SPEN: variants seen among roughly 807,000 people sequenced by gnomAD.
The protein encoded by SPEN is msx2-interacting protein.
Under a neutral mutation model 269.9 loss-of-function variants are expected in SPEN, and 18 were observed. The ratio of observed to expected loss-of-function variants is 0.07; its 90% CI spans 0.05 to 0.10. SPEN has a LOEUF of 0.10. Among genes scored for constraint, SPEN ranks in the 10% least tolerant of loss-of-function variants. The pLI, the probability that SPEN is intolerant of heterozygous loss-of-function variation, is 1.00. For synonymous variants in SPEN, 1,726 were observed against 1,765.7 expected, an observed-to-expected ratio of 0.98 and a Z score of 0.56; for missense variants, 3,822 against 4,631.2, an observed-to-expected ratio of 0.83 and a Z score of 5.07.
At position 15,939,010 on chromosome 1, in the gene SPEN, G is replaced by A; in HGVS notation, c.10863+134G>A. 1 of 1,211,848 alleles carries A rather than the reference G, an allele frequency of 8.3e-7. No homozygotes were observed. Among genetic ancestry groups the A allele is most frequent in the Non-Finnish European group, 1.1e-6 (1 of 870,058 alleles). The allele number at this position is 1,211,848 out of a possible 1,614,324, so 75.1% of individuals were successfully genotyped here. On this transcript the variant is annotated intron_variant, in intron 14 of 14. Coordinates refer to ENST00000375759, the MANE Select transcript of SPEN (RefSeq NM_015001.3). The surrounding 1 kb of genome is among the most constrained non-coding windows in gnomAD (Gnocchi z 4.1). The stretch of plus-strand genomic sequence containing the variant: ...AAAGGGGCATTTTGGACAGAAGTCA[G>A]TAGAGCACATGGGGCGGGGCGCCAT...
chr1:15,935,365 C>T lies in SPEN; in HGVS notation c.9125C>T (p.Pro3042Leu). 1 of 1,614,116 alleles carries T rather than the reference C, an allele frequency of 6.2e-7. No homozygotes were observed. Among genetic ancestry groups the T allele is most frequent in the Non-Finnish European group, 8.5e-7 (1 of 1,179,990 alleles). Residue 3042 changes from proline to leucine, a missense_variant, in exon 11 of 15, where the codon CCC becomes CTC. This residue lies in a region of SPEN where 153 missense variants were observed against 228.5 expected (regional missense o/e 0.67). Coordinates refer to ENST00000375759, the MANE Select transcript of SPEN (RefSeq NM_015001.3). This position sits in a 1 kb window ranked among gnomAD's most constrained non-coding sequence, Gnocchi z 7.7. ...TCCTCATTCCCAAGGGCAAGCCACC[C>T]CAGCAGTACTGCATCTACGGCGCTC... ...GPSSFPRASH[P>L]SSTASTALST...
intron 5 of SPEN, among the ~76,000 whole-genome samples, chr1:15,914,189 A>T (rs920488758): frequency 6.6e-6 from 1 of 152,168 alleles, no homozygotes. Context: ...GAAAGGGGTA[A>T]CATTAGTTGA....
In SPEN at chr1:15,935,571, A is replaced by G; in HGVS notation, c.9331A>G (p.Ser3111Gly). 3.7e-6 allele frequency: 6 copies of G among 1,614,076 alleles called. No individual in the cohort carries two copies. The highest frequency in any genetic ancestry group is 5.1e-6 in the Non-Finnish European group (6 of 1,179,986). Residue 3111 changes from serine to glycine, a missense_variant, in exon 11 of 15, where the codon AGC (serine) becomes GGC (glycine). Physicochemically the swap from Ser to Gly is moderately conservative, Grantham distance 56. Transcript: ENST00000375759. The surrounding 1 kb of genome is among the most constrained non-coding windows in gnomAD (Gnocchi z 7.7). ...NTPTLPSITY[S>G]IRPEALHSPR... is the part of the protein sequence containing the mutation. The stretch of plus-strand genomic sequence containing the variant: ...TCCCACGCTGCCCAGTATCACCTAC[A>G]GCATCCGGCCAGAAGCGCTTCACTC...
At chr1:15,870,667 C>T (rs1477216125) in intron 1 of SPEN, among the ~76,000 whole-genome samples, 1 of 152,128 alleles carries the variant, frequency 6.6e-6, no homozygotes, top group Non-Finnish European at 1.5e-5. Context: ...CTTATTAGGT[C>T]AGTTGCAAAA....
intron 1 of SPEN, among the ~76,000 whole-genome samples, chr1:15,867,915 C>T (rs764779598): frequency 1.4e-4 from 22 of 152,222 alleles, no homozygotes; most frequent in Non-Finnish European, 2.4e-4. Context: ...CCCACCGCAA[C>T]TTCCGCCTCC....
chr1:15,882,165 T>C (rs1313690849), intron 3 of SPEN, among the ~76,000 whole-genome samples: 5 of 152,178 alleles, frequency 3.3e-5, no homozygotes, highest in Non-Finnish European at 1.5e-5. Context: ...CCTTCATGGC[T>C]CCATGTGCTG....
At position 15,933,151 on chromosome 1, in the gene SPEN, A is replaced by G; in HGVS notation, c.6911A>G (p.Asn2304Ser). 1 of 1,614,104 alleles carries G rather than the reference A, an allele frequency of 6.2e-7. No individual in the cohort carries two copies. Among genetic ancestry groups the G allele is most frequent in the Non-Finnish European group, 8.5e-7 (1 of 1,180,036 alleles). Residue 2304 changes from asparagine (N) to serine (S), a missense_variant, in exon 11 of 15, where the codon AAT becomes AGT. By Grantham distance (46) the Asn-to-Ser change is conservative. Coordinates refer to ENST00000375759, the MANE Select transcript of SPEN (RefSeq NM_015001.3). The surrounding 1 kb of genome is among the most constrained non-coding windows in gnomAD (Gnocchi z 5.7). Reference protein sequence around the residue: ...GPTDTKEARGNSSETSHSVPE... With the variant: ...GPTDTKEARGSSSETSHSVPE... ...ACAGATACCAAGGAAGCCAGAGGAAATAGCAGTGAAACCTCACACTCAGTG... is the reference window on the plus strand; with the variant it reads ...ACAGATACCAAGGAAGCCAGAGGAAGTAGCAGTGAAACCTCACACTCAGTG...
rs964649711 is a variant in SPEN, at chr1:15,926,199, C to T, written c.1851-1892C>T. 7.2e-5 allele frequency among the ~76,000 whole-genome samples: 11 copies of T among 152,130 alleles called. No homozygotes were observed. In the East Asian group the frequency reaches 7.7e-4, roughly 11 times the overall value. Reference sequence around the variant, plus strand: ...TCACCAGAGGTCAGGAGTTTGAGTTCGGCCTGGCCAACACAGTGAAACCTG... The same window carrying T: ...TCACCAGAGGTCAGGAGTTTGAGTTTGGCCTGGCCAACACAGTGAAACCTG... On this transcript the variant is annotated intron_variant, in intron 10 of 14. Transcript: ENST00000375759.
At position 15,878,142 on chromosome 1, in the gene SPEN, T is replaced by TA. The variant is rs541935138; in HGVS notation, c.881+1472dup. On this transcript the variant is annotated intron_variant, in intron 3 of 14. Transcript: ENST00000375759. ...GCTTACTTTGATACCTAGTATATGTTAAAAAAAATGCTGCTATTCAATTTG... is the reference window on the plus strand; with the variant it reads ...GCTTACTTTGATACCTAGTATATGTTAAAAAAAAATGCTGCTATTCAATTTG... Among the ~76,000 whole-genome samples, 419 of 152,052 alleles carry TA rather than the reference T, an allele frequency of 2.8e-3. 1 individual carries two copies. Among genetic ancestry groups the TA allele is most frequent in the Non-Finnish European group, 4.3e-3 (294 of 67,970 alleles).
At chr1:15,857,038 A>G (rs1212018035) in intron 1 of SPEN, among the ~76,000 whole-genome samples, 1 of 151,932 alleles carries the variant, frequency 6.6e-6, no homozygotes, top group Non-Finnish European at 1.5e-5. Flanking sequence ...ACCATCAGTT[A>G]TGGCCTATCT....
chr1:15,926,879 A>T (rs747782087), intron 10 of SPEN, among the ~76,000 whole-genome samples: 1 of 152,062 alleles, frequency 6.6e-6, no homozygotes, highest in Non-Finnish European at 1.5e-5. Flanking sequence ...TTTTTAGTAG[A>T]GATGGGGTTT....
At position 15,935,456 on chromosome 1, in the gene SPEN, C is replaced by A. The variant is rs1376131495; in HGVS notation, c.9216C>A (p.His3072Gln). 3 of 1,614,038 alleles carry A rather than the reference C, an allele frequency of 1.9e-6. No individual in the cohort carries two copies. Among genetic ancestry groups the A allele is most frequent in the Non-Finnish European group, 1.7e-6 (2 of 1,180,022 alleles). Residue 3072 changes from histidine (H) to glutamine (Q), a missense_variant, in exon 11 of 15, where the codon CAC becomes CAA. Coordinates refer to ENST00000375759, the MANE Select transcript of SPEN (RefSeq NM_015001.3). The surrounding 1 kb of genome is among the most constrained non-coding windows in gnomAD (Gnocchi z 7.7). ...IPVPQFISSI[H>Q]PEQSVIMPPH... ...TGCCCCAGTTCATCTCCAGCATCCA[C>A]CCAGAGCAGTCTGTCATCATGCCAC...
At position 15,933,141 on chromosome 1, in the gene SPEN, G is replaced by A. The variant is rs367793701; in HGVS notation, c.6901G>A (p.Ala2301Thr). 6 of 1,614,028 alleles carry A rather than the reference G, an allele frequency of 3.7e-6. No homozygotes were observed. The African/African-American group carries it at 5.3e-5, about 14-fold the overall frequency. ...PSAGPTDTKE[A>T]RGNSSETSHS... ...AGCCGGCCCAACAGATACCAAGGAA[G>A]CCAGAGGAAATAGCAGTGAAACCTC... Residue 2301 changes from alanine (A) to threonine (T), a missense_variant, in exon 11 of 15, where the codon GCC becomes ACC. Physicochemically the swap from Ala to Thr is moderately conservative, Grantham distance 58 (BLOSUM62 0). Around this residue, in one of 16 missense-constraint regions of SPEN, gnomAD observed 727 missense variants for 737.9 expected, o/e 0.99. Coordinates refer to ENST00000375759, the MANE Select transcript of SPEN (RefSeq NM_015001.3). This position sits in a 1 kb window ranked among gnomAD's most constrained non-coding sequence, Gnocchi z 5.7.
In SPEN at chr1:15,895,859, T is replaced by C. The variant is rs557895912; in HGVS notation, c.882-13462T>C. Among the ~76,000 whole-genome samples the C allele has an allele frequency of 1.5e-4, 23 of 151,934 alleles. 1 individual carries two copies. The South Asian group carries it at 3.3e-3, about 22-fold the overall frequency. ...TGTGCCCAGCTAATTTTTTTTTATATTTTTATTAGAGTTGGGGTTTCTCCA... is the reference window on the plus strand; with the variant it reads ...TGTGCCCAGCTAATTTTTTTTTATACTTTTATTAGAGTTGGGGTTTCTCCA... On this transcript the variant is annotated intron_variant, in intron 3 of 14. Coordinates refer to ENST00000375759, the MANE Select transcript of SPEN (RefSeq NM_015001.3).
Position 15,903,671 on chromosome 1 carries a change from A to G in SPEN, c.882-5650A>G, listed in dbSNP as rs575044234. ...GCCTGGCCTCAAATTGTTGTTGTTTATGAAAAGACTGGGGTCTTGCCATGT... is the reference window on the plus strand; with the variant it reads ...GCCTGGCCTCAAATTGTTGTTGTTTGTGAAAAGACTGGGGTCTTGCCATGT... On this transcript the variant is annotated intron_variant, in intron 3 of 14. Coordinates refer to ENST00000375759, the MANE Select transcript of SPEN (RefSeq NM_015001.3). Among the ~76,000 whole-genome samples, 6 of 152,226 alleles carry G rather than the reference A, an allele frequency of 3.9e-5. No homozygotes were observed. The South Asian group carries it at 1.2e-3, about 32-fold the overall frequency.
At chr1:15,889,368 G>A (rs970975872) in intron 3 of SPEN, among the ~76,000 whole-genome samples, 3 of 151,950 alleles carry the variant, frequency 2.0e-5, no homozygotes, top group Non-Finnish European at 4.4e-5. Context: ...GTTTCACCAT[G>A]TTGGTCAGAC....
At chr1:15,884,043 C>T (rs545148596) in intron 3 of SPEN, among the ~76,000 whole-genome samples, 5 of 152,184 alleles carry the variant, frequency 3.3e-5, no homozygotes, top group African/African-American at 1.2e-4. Flanking sequence ...ATCTCCTGAC[C>T]TTGTGATCTG....
Position 15,934,121 on chromosome 1 carries a change from C to T in SPEN, c.7881C>T (p.Val2627=), listed in dbSNP as rs769769175. The change falls in exon 11 of 15, where the codon GTC becomes GTT. Residue 2627 remains valine (V), a synonymous_variant. Coordinates refer to ENST00000375759, the MANE Select transcript of SPEN (RefSeq NM_015001.3). This position sits in a 1 kb window ranked among gnomAD's most constrained non-coding sequence, Gnocchi z 9.2. ...KITSVISRMP[V]SIDLENSQKI... The stretch of plus-strand genomic sequence containing the variant: ...CCTCTGTTATTAGCCGGATGCCTGT[C>T]AGCATTGACCTGGAAAATTCACAGA... The T allele has an allele frequency of 1.1e-5, 18 of 1,613,818 alleles. No individual in the cohort carries two copies. In the Admixed American group the frequency reaches 2.7e-4, roughly 24 times the overall value.
chr1:15,938,559 A>G (rs1044145843), intron 13 of SPEN, 159 bp from the exon 14 acceptor site: 10 of 621,584 alleles, frequency 1.6e-5, no homozygotes, highest in Non-Finnish European at 2.5e-5. Context: ...TCAGGTTGAA[A>G]AAAAGCTTTT....
Sources: gnomAD v4.1 joint callset for allele counts (sites outside exome capture counted in the v4.1 genomes callset) on GRCh38, gnomAD v4.1.1 for gene constraint, gnomAD v4.1.1 regional missense constraint, Gnocchi (gnomAD v3.1) non-coding constraint, MANE v1.5 for transcripts, NCBI Gene and HGNC (gene_info 2026-07-23, HGNC 2026-07-21) for gene names.